FGD6: variants seen among roughly 807,000 people sequenced by gnomAD.
FGD6 encodes FYVE, RhoGEF and PH domain-containing protein 6.
Under a neutral mutation model 149.4 loss-of-function variants are expected in FGD6, and 90 were observed. The observed-to-expected ratio is 0.60, with a 90% confidence interval of 0.51 to 0.72. The LOEUF is 0.72. Among genes scored for constraint, FGD6 ranks in the 30% least tolerant of loss-of-function variants. The pLI is 0.00. For synonymous variants in FGD6, 527 were observed against 584.0 expected (o/e 0.90, Z 1.41); for missense variants, 1,437 against 1,684.8 (o/e 0.85, Z 2.57).
At chr12:95,127,303 A>G (rs1419451370) in intron 8 of FGD6, among the ~76,000 whole-genome samples, 8 of 152,082 alleles carry the variant, frequency 5.3e-5, no homozygotes, top group African/African-American at 1.9e-4. Flanking sequence ...CCCAGCAGTT[A>G]GGGAGGCCGA....
intron 15 of FGD6, 31 bp downstream of exon 15, chr12:95,094,561 T>TG (rs775175297): frequency 1.2e-5 from 17 of 1,371,282 alleles, no homozygotes; most frequent in Middle Eastern, 3.7e-4. Flanking sequence ...TGAAATGCAC[T>TG]GGAAAAAAAA....
intron 7 of FGD6, 85 bp downstream of exon 7, chr12:95,137,437 T>G (rs1204758026): frequency 8.2e-7 from 1 of 1,225,674 alleles, no homozygotes; most frequent in Non-Finnish European, 1.1e-6. Context: ...GTTTGCAAGC[T>G]TTGTTTTCAA....
At chr12:95,084,219 A>G (rs1359680099) in intron 20 of FGD6, among the ~76,000 whole-genome samples, 3 of 152,250 alleles carry the variant, frequency 2.0e-5, no homozygotes, top group Admixed American at 2.0e-4. Context: ...TCAGCAGAGC[A>G]GCATCACGCT....
intron 3 of FGD6, among the ~76,000 whole-genome samples, chr12:95,165,839 G>A (rs1880795292): frequency 6.6e-6 from 1 of 151,402 alleles, no homozygotes; most frequent in Non-Finnish European, 1.5e-5. Flanking sequence ...TAGGCATGGG[G>A]TTTTGCCATG....
At chr12:95,191,676 T>C (rs1254632854) in intron 2 of FGD6, among the ~76,000 whole-genome samples, 1 of 152,218 alleles carries the variant, frequency 6.6e-6, no homozygotes, top group Admixed American at 6.5e-5. Context: ...CCATGGATGC[T>C]CAAGTCCCTT....
intron 14 of FGD6, among the ~76,000 whole-genome samples, chr12:95,101,913 T>C (rs1395111606): frequency 6.6e-6 from 1 of 151,744 alleles, no homozygotes; most frequent in Admixed American, 6.6e-5. Flanking sequence ...GATCTCCTGA[T>C]TTTGTGATCC....
intron 2 of FGD6, among the ~76,000 whole-genome samples, chr12:95,197,151 T>G (rs1036515218): frequency 6.6e-6 from 1 of 151,420 alleles, no homozygotes. Flanking sequence ...CAATTCAATA[T>G]GCTCAGGCCA....
At chr12:95,184,103 A>G (rs1189020516) in intron 2 of FGD6, among the ~76,000 whole-genome samples, 1 of 152,326 alleles carries the variant, frequency 6.6e-6, no homozygotes, top group East Asian at 1.9e-4. Context: ...CAGAATGCTA[A>G]ATGTTACATT....
intron 5 of FGD6, among the ~76,000 whole-genome samples, chr12:95,148,858 T>C (rs1161895397): frequency 1.8e-5 from 1 of 55,122 alleles, no homozygotes; most frequent in Non-Finnish European, 3.2e-5. Context: ...TTATATATAT[T>C]ATATAAGATA....
At chr12:95,185,822 T>C (rs997599548) in intron 2 of FGD6, among the ~76,000 whole-genome samples, 4 of 152,002 alleles carry the variant, frequency 2.6e-5, no homozygotes, top group African/African-American at 4.8e-5. Flanking sequence ...GATTGCACCA[T>C]TGCACTCCAG....
intron 5 of FGD6, among the ~76,000 whole-genome samples, chr12:95,146,881 T>G (rs1000978057): frequency 7.9e-5 from 12 of 151,596 alleles, no homozygotes; most frequent in African/African-American, 2.9e-4. Context: ...AAGCAAAAAA[T>G]CAATGCAAAT....
At chr12:95,208,141 C>T (rs2056702178) in intron 2 of FGD6, among the ~76,000 whole-genome samples, 1 of 152,022 alleles carries the variant, frequency 6.6e-6, no homozygotes, top group Admixed American at 6.6e-5. Flanking sequence ...GTCCCAGCTA[C>T]TCAAGGAGGC....
At chr12:95,097,790 A>G (rs1878288809) in intron 14 of FGD6, among the ~76,000 whole-genome samples, 1 of 152,180 alleles carries the variant, frequency 6.6e-6, no homozygotes, top group Non-Finnish European at 1.5e-5. Context: ...CCAGGACCTA[A>G]GCCAAGAACT....
chr12:95,084,745 ATT>A, intron 19 of FGD6, 99 bp from the exon 20 acceptor site: 1 of 966,038 alleles, frequency 1.0e-6, no homozygotes, highest in Non-Finnish European at 1.5e-6. Context: ...AATTTCAATT[ATT>A]CACATATAAG....
chr12:95,194,176 T>C (rs1389709375), intron 2 of FGD6, among the ~76,000 whole-genome samples: 1 of 150,814 alleles, frequency 6.6e-6, no homozygotes, highest in Non-Finnish European at 1.5e-5. Flanking sequence ...GTTCCTTCCT[T>C]GGCCTCCCAA....
chr12:95,103,509 AAAT>A (rs1878514448), intron 14 of FGD6, among the ~76,000 whole-genome samples: 1 of 152,118 alleles, frequency 6.6e-6, no homozygotes, highest in African/African-American at 2.4e-5. Context: ...GTGGTATCAT[AAAT>A]AATAATGGAT....
intron 3 of FGD6, among the ~76,000 whole-genome samples, chr12:95,155,760 T>C (rs1029808042): frequency 6.6e-6 from 1 of 152,174 alleles, no homozygotes; most frequent in Non-Finnish European, 1.5e-5. Flanking sequence ...CCACTTAAAA[T>C]AGGGATTTGC....
Position 95,166,543 on chromosome 12 carries a change from TA to T in FGD6, c.2586+6056del, listed in dbSNP as rs546293623. Among the ~76,000 whole-genome samples, 72 of 147,300 alleles carry T rather than the reference TA, an allele frequency of 4.9e-4. No individual in the cohort carries two copies. In the Middle Eastern group the frequency reaches 0.014, roughly 29 times the overall value. On this transcript the variant is annotated intron_variant, in intron 3 of 20. Coordinates refer to ENST00000343958, the MANE Select transcript of FGD6 (RefSeq NM_018351.4). ...GGGCAACATGGCAAGACCATGTCTT[TA>T]AAAAAAAAAATTAGCCGGGCATGGT...
chr12:95,150,033 C>CTT (rs71078614), intron 5 of FGD6, among the ~76,000 whole-genome samples: 2 of 119,430 alleles, frequency 1.7e-5, no homozygotes, highest in Non-Finnish European at 3.5e-5. Context: ...CACACACACA[C>CTT]TTTTTTTTTT....
Sources: gnomAD v4.1 joint callset for allele counts (sites outside exome capture counted in the v4.1 genomes callset) on GRCh38, gnomAD v4.1.1 for gene constraint, MANE v1.5 for transcripts, NCBI Gene and HGNC (gene_info 2026-07-23, HGNC 2026-07-21) for gene names.